The following STK3 variants were observed in gnomAD, a reference collection of about 807,000 sequenced individuals.
STK3 encodes serine/threonine kinase 3.
STK3 carries 41 observed loss-of-function variants against 58.0 expected under a neutral mutation model. That is an observed-to-expected ratio of 0.71 (90% CI 0.55 to 0.92). STK3 has a LOEUF of 0.92. Among genes scored for constraint, STK3 ranks in the 40% least tolerant of loss-of-function variants. The pLI is 0.00. For missense variants in STK3, 479 were observed against 602.7 expected, an observed-to-expected ratio of 0.79 and a Z score of 2.15; for synonymous variants, 170 against 191.0, an observed-to-expected ratio of 0.89 and a Z score of 0.91.
intron 6 of STK3, among the ~76,000 whole-genome samples, chr8:98,607,033 T>G (rs1300346854): frequency 2.6e-5 from 4 of 152,106 alleles, no homozygotes; most frequent in Non-Finnish European, 4.4e-5. Flanking sequence ...GAGCTAACTC[T>G]GGATGGTTAG....
chr8:98,469,138 G>A (rs914380694), intron 10 of STK3, among the ~76,000 whole-genome samples: 2 of 150,702 alleles, frequency 1.3e-5, no homozygotes, highest in African/African-American at 4.9e-5. Context: ...AGAAAGATGA[G>A]AAAGTAATAT....
intron 3 of STK3, among the ~76,000 whole-genome samples, chr8:98,855,146 A>G (rs1836622641): frequency 6.6e-6 from 1 of 152,218 alleles, no homozygotes; most frequent in East Asian, 1.9e-4. Flanking sequence ...ATCTCACCTG[A>G]CAGCTTTGAA....
At chr8:98,352,374 T>G in the STK3 span, among the ~76,000 whole-genome samples, 13 of 152,178 alleles carry the variant, frequency 8.5e-5, no homozygotes, top group Non-Finnish European at 1.8e-4. Context: ...TTTCCCCATA[T>G]GAACTGTACC....
At chr8:98,471,268 C>T (rs1000723822) in intron 10 of STK3, among the ~76,000 whole-genome samples, 1 of 151,938 alleles carries the variant, frequency 6.6e-6, no homozygotes, top group Admixed American at 6.6e-5. Flanking sequence ...AGGGCTAAGT[C>T]GCTGGCTATA....
At chr8:98,535,504 C>T (rs572452913) in intron 9 of STK3, among the ~76,000 whole-genome samples, 27 of 149,008 alleles carry the variant, frequency 1.8e-4, no homozygotes, top group African/African-American at 5.7e-4. Flanking sequence ...CTGAGGCTCT[C>T]GTTATGGTCT....
At position 98,734,233 on chromosome 8, in the gene STK3, G is replaced by A. The variant is rs768605066; in HGVS notation, c.351+15043C>T. Among the ~76,000 whole-genome samples the A allele has an allele frequency of 5.5e-4, 83 of 152,186 alleles. 1 individual carries two copies. The highest frequency in any genetic ancestry group is 1.9e-4 in the Non-Finnish European group (13 of 68,030). On this transcript the variant is annotated intron_variant, in intron 4 of 10. Transcript: ENST00000419617. ...TTCAACATGAGATTTGGGTGGGAAC[G>A]TAGAGCTAAACCATATCAACTGACA...
intron 1 of STK3, among the ~76,000 whole-genome samples, chr8:98,381,421 C>G (rs1263778918): frequency 6.6e-6 from 1 of 152,216 alleles, no homozygotes. Context: ...ATTGATAGCT[C>G]TGGATCAATT....
intron 2 of STK3, 23 bp downstream of exon 2, chr8:98,774,716 G>T (rs1326172202): frequency 6.8e-7 from 1 of 1,470,896 alleles, no homozygotes; most frequent in Non-Finnish European, 9.2e-7. Flanking sequence ...TTATTTACAT[G>T]CTTTCATACT....
intron 3 of STK3, among the ~76,000 whole-genome samples, chr8:98,394,711 A>C (rs1817882239): frequency 6.6e-6 from 1 of 152,264 alleles, no homozygotes; most frequent in Admixed American, 6.5e-5. Context: ...AGCAGCATTT[A>C]TCACATATTC....
chr8:98,515,907 GATCTCCTGCATTGTC>G (rs1824898679), intron 10 of STK3, among the ~76,000 whole-genome samples: 1 of 151,852 alleles, frequency 6.6e-6, no homozygotes, highest in African/African-American at 2.4e-5. Context: ...TTCTGTAAAG[GATCTCCTGCATTGTC>G]AGGAAAGTGC....
chr8:98,484,392 C>A (rs1483374469), intron 10 of STK3, among the ~76,000 whole-genome samples: 1 of 152,012 alleles, frequency 6.6e-6, no homozygotes, highest in East Asian at 1.9e-4. Flanking sequence ...AAAATTCAAA[C>A]AATACCAATA....
intron 3 of STK3, among the ~76,000 whole-genome samples, chr8:98,860,305 C>T (rs1247063099): frequency 6.6e-6 from 1 of 152,148 alleles, no homozygotes; most frequent in Non-Finnish European, 1.5e-5. Flanking sequence ...TATATGGAAT[C>T]AGAACAAGTC....
At chr8:98,569,965 GTA>G in intron 8 of STK3, among the ~76,000 whole-genome samples, 1 of 146,946 alleles carries the variant, frequency 6.8e-6, no homozygotes, top group Non-Finnish European at 1.5e-5. Context: ...TCAAATATAT[GTA>G]TACAAATATA....
chr8:98,810,395 G>A lies in STK3; in HGVS notation c.26+15120C>T, dbSNP rs1416040689. 3.3e-5 allele frequency among the ~76,000 whole-genome samples: 5 copies of A among 151,466 alleles called. No individual in the cohort carries two copies. The East Asian group carries it at 7.7e-4, about 23-fold the overall frequency. On this transcript the variant is annotated intron_variant, in intron 1 of 10. Transcript: ENST00000419617. ...CACTCTCCTACCAGCAATGCACAAG[G>A]GCTCCAATTGCTCCACATCCTCACC...
chr8:98,687,314 A>T (rs1158751986), intron 6 of STK3, among the ~76,000 whole-genome samples: 2 of 152,222 alleles, frequency 1.3e-5, no homozygotes, highest in Non-Finnish European at 2.9e-5. Flanking sequence ...ACCTCAGTTC[A>T]TCAGGCATTA....
At chr8:98,486,431 A>C (rs1822265384) in intron 10 of STK3, among the ~76,000 whole-genome samples, 1 of 152,226 alleles carries the variant, frequency 6.6e-6, no homozygotes, top group Non-Finnish European at 1.5e-5. Flanking sequence ...GGTGTGTGTA[A>C]AGCCACTAAA....
At chr8:98,923,850 T>C (rs1486946963) in intron 1 of STK3, among the ~76,000 whole-genome samples, 29 of 121,642 alleles carry the variant, frequency 2.4e-4, no homozygotes, top group African/African-American at 8.4e-4. Flanking sequence ...TGTGTGTGTG[T>C]GTGTGCGCGC....
intron 1 of STK3, among the ~76,000 whole-genome samples, chr8:98,795,128 A>G (rs1040560813): frequency 2.9e-5 from 4 of 137,902 alleles, no homozygotes; most frequent in Non-Finnish European, 6.2e-5. Flanking sequence ...ATATATATAT[A>G]TACATACTAG....
chr8:98,860,955 G>A (rs1340876084), intron 3 of STK3, among the ~76,000 whole-genome samples: 2 of 152,138 alleles, frequency 1.3e-5, no homozygotes, highest in African/African-American at 2.4e-5. Flanking sequence ...GGCTACTGGG[G>A]AGGCTGAGTT....
Sources: gnomAD v4.1 joint callset for allele counts (sites outside exome capture counted in the v4.1 genomes callset) on GRCh38, gnomAD v4.1.1 for gene constraint, MANE v1.5 for transcripts, NCBI Gene and HGNC (gene_info 2026-07-23, HGNC 2026-07-21) for gene names.